The following GALNT13 variants were observed in gnomAD, a reference collection of about 807,000 sequenced individuals.
GALNT13 encodes the protein UDP-GalNAc:polypeptide N-acetylgalactosaminyltransferase 13.
A neutral mutation model predicts 64.2 loss-of-function variants in GALNT13; 28 were observed. The ratio of observed to expected loss-of-function variants is 0.44; its 90% CI spans 0.32 to 0.60. The LOEUF (loss-of-function observed/expected upper bound fraction) is 0.60. GALNT13 is among the 20% of genes least tolerant of loss of function. The pLI is 0.05. For missense variants in GALNT13, 577 were observed against 669.8 expected (o/e 0.86, Z 1.53); for synonymous variants, 214 against 224.6 (o/e 0.95, Z 0.42).
the GALNT13 span, among the ~76,000 whole-genome samples, chr2:153,283,831 T>G: frequency 1.3e-5 from 2 of 150,988 alleles, no homozygotes; most frequent in African/African-American, 2.4e-5. Context: ...AGAGACCCCC[T>G]GGAAACCCCC....
chr2:153,658,328 AGCC>A, the GALNT13 span, among the ~76,000 whole-genome samples: 2 of 152,088 alleles, frequency 1.3e-5, no homozygotes, highest in African/African-American at 4.8e-5. Flanking sequence ...CCAACTACTG[AGCC>A]CTGGTGTTAT....
the GALNT13 span, among the ~76,000 whole-genome samples, chr2:153,489,979 T>A: frequency 1.8e-5 from 2 of 114,188 alleles, no homozygotes; most frequent in African/African-American, 4.2e-5. Context: ...AGGCCCTGTT[T>A]TACACACACA....
At chr2:154,433,982 G>A (rs1334367503) in intron 11 of GALNT13, among the ~76,000 whole-genome samples, 2 of 152,116 alleles carry the variant, frequency 1.3e-5, no homozygotes, top group African/African-American at 4.8e-5. Context: ...AATGTAACTG[G>A]TGTTTTTATA....
At chr2:153,690,849 GC>G in the GALNT13 span, among the ~76,000 whole-genome samples, 1 of 152,130 alleles carries the variant, frequency 6.6e-6, no homozygotes, top group African/African-American at 2.4e-5. Context: ...ACTGCAGGAT[GC>G]TAAAGACCTA....
chr2:153,822,424 C>A, the GALNT13 span, among the ~76,000 whole-genome samples: 115,679 of 151,860 alleles, frequency 0.76, 45,568 homozygotes, highest in Non-Finnish European at 0.85. Context: ...GGGTTAGTTC[C>A]ACATATACAA....
chr2:154,026,652 C>G (rs973336477), intron 3 of GALNT13, among the ~76,000 whole-genome samples: 2 of 152,160 alleles, frequency 1.3e-5, no homozygotes, highest in African/African-American at 4.8e-5. Flanking sequence ...CTACCTTTCT[C>G]TTCTTATAAG....
chr2:153,143,806 C>G, the GALNT13 span, among the ~76,000 whole-genome samples: 25 of 152,130 alleles, frequency 1.6e-4, no homozygotes, highest in Admixed American at 1.6e-3. Flanking sequence ...CCCCAGACAA[C>G]TCTTGCAAAG....
intron 3 of GALNT13, among the ~76,000 whole-genome samples, chr2:154,049,842 T>C (rs1457035920): frequency 6.6e-6 from 1 of 152,094 alleles, no homozygotes; most frequent in East Asian, 1.9e-4. Flanking sequence ...ATGCCATGTC[T>C]TACAGTTTTT....
chr2:154,029,046 G>T (rs1406066572), intron 3 of GALNT13, among the ~76,000 whole-genome samples: 1 of 151,990 alleles, frequency 6.6e-6, no homozygotes, highest in Non-Finnish European at 1.5e-5. Context: ...GGTAAAGCCA[G>T]TTGTGCACTA....
At chr2:153,794,625 A>C in the GALNT13 span, among the ~76,000 whole-genome samples, 16 of 151,642 alleles carry the variant, frequency 1.1e-4, no homozygotes, top group Non-Finnish European at 2.4e-4. Flanking sequence ...GGTTCAATCG[A>C]TTCTCCTGCC....
chr2:154,362,038 T>C (rs6435165), intron 9 of GALNT13, among the ~76,000 whole-genome samples: 2 of 151,748 alleles, frequency 1.3e-5, no homozygotes, highest in African/African-American at 2.4e-5. Context: ...TGGAATCAGC[T>C]CTAACTAAGC....
intron 9 of GALNT13, among the ~76,000 whole-genome samples, chr2:154,353,978 A>G (rs1396365600): frequency 1.3e-5 from 2 of 152,166 alleles, no homozygotes; most frequent in Non-Finnish European, 2.9e-5. Flanking sequence ...ATATTTAGGA[A>G]CCATCATACT....
At position 154,434,372 on chromosome 2, in the gene GALNT13, G is replaced by T. The variant is rs183892647; in HGVS notation, c.1396-4220G>T. On this transcript the variant is annotated intron_variant, in intron 11 of 12. Coordinates refer to ENST00000392825, the MANE Select transcript of GALNT13 (RefSeq NM_052917.4). ...CCTCCCGGGCTCACGCCATTCTCCT[G>T]CCTCAGCCTCCAGAGTAGCTGGAAC... Among the ~76,000 whole-genome samples, 1,290 of 152,246 alleles carry T rather than the reference G, an allele frequency of 8.5e-3. 16 individuals carry two copies. Among genetic ancestry groups the T allele is most frequent in the African/African-American group, 0.029 (1,225 of 41,534 alleles).
At chr2:154,003,556 G>C (rs1220209861) in intron 3 of GALNT13, among the ~76,000 whole-genome samples, 1 of 152,072 alleles carries the variant, frequency 6.6e-6, no homozygotes, top group African/African-American at 2.4e-5. Context: ...CTCTCTTGCT[G>C]ATGTCACTCC....
At position 154,031,726 on chromosome 2, in the gene GALNT13, T is replaced by C. The variant is rs546716802; in HGVS notation, c.142+87087T>C. 4.6e-5 allele frequency among the ~76,000 whole-genome samples: 7 copies of C among 152,048 alleles called. No individual in the cohort carries two copies. The East Asian group carries it at 1.4e-3, about 29-fold the overall frequency. ...TCAGTCCCAAAAAACTATTTAAATA[T>C]ATATGTACTTAACAACATAAATTCA... On this transcript the variant is annotated intron_variant, in intron 3 of 12. Coordinates refer to ENST00000392825, the MANE Select transcript of GALNT13 (RefSeq NM_052917.4).
At chr2:153,762,671 A>G in the GALNT13 span, 1 of 152,570 alleles carries the variant, frequency 6.6e-6, no homozygotes, top group Non-Finnish European at 1.5e-5. Context: ...GAGTAGGATG[A>G]GGCCAGTGTG....
chr2:153,490,662 G>C, the GALNT13 span, among the ~76,000 whole-genome samples: 1 of 152,122 alleles, frequency 6.6e-6, no homozygotes, highest in South Asian at 2.1e-4. Flanking sequence ...CTTCACTTAT[G>C]AGTAAATACA....
intron 3 of GALNT13, among the ~76,000 whole-genome samples, chr2:154,007,795 A>C (rs1696356745): frequency 6.6e-6 from 1 of 151,980 alleles, no homozygotes; most frequent in Non-Finnish European, 1.5e-5. Context: ...TTACACCTGA[A>C]TATCAACTTT....
the GALNT13 span, chr2:153,420,908 G>T: frequency 4.8e-6 from 1 of 208,280 alleles, no homozygotes; most frequent in Admixed American, 5.1e-5. Flanking sequence ...TCTTTATGTT[G>T]GCCAGATTTC....
Sources: allele counts gnomAD v4.1 joint callset (sites outside exome capture counted in the v4.1 genomes callset), GRCh38; gene constraint gnomAD v4.1.1; transcripts MANE v1.5; gene names NCBI Gene and HGNC (gene_info 2026-07-23, HGNC 2026-07-21).